Variants in PHF14 observed in about 807,000 individuals in gnomAD.
PHF14 encodes the protein PHD finger protein 14.
PHF14 carries 55 observed loss-of-function variants against 117.9 expected under a neutral mutation model. The ratio of observed to expected loss-of-function variants is 0.47; its 90% CI spans 0.38 to 0.58. The LOEUF is 0.58. Among genes scored for constraint, PHF14 ranks in the 20% least tolerant of loss-of-function variants. The probability of loss-of-function intolerance (pLI) is 0.00; values close to 1 mark genes in which losing one functional copy is unlikely to be tolerated. For missense variants in PHF14, 978 were observed against 1,122.2 expected, an observed-to-expected ratio of 0.87 and a Z score of 1.84; for synonymous variants, 409 against 368.6, an observed-to-expected ratio of 1.11 and a Z score of -1.26.
At chr7:11,138,667 C>T (rs1052484051) in intron 17 of PHF14, among the ~76,000 whole-genome samples, 13 of 152,176 alleles carry the variant, frequency 8.5e-5, no homozygotes, top group Non-Finnish European at 1.8e-4. Context: ...ATTTATCTCA[C>T]TTGCATATCA....
intron 17 of PHF14, among the ~76,000 whole-genome samples, chr7:11,142,268 C>G (rs1217093747): frequency 6.6e-6 from 1 of 151,904 alleles, no homozygotes; most frequent in African/African-American, 2.4e-5. Flanking sequence ...ACATTTAAAG[C>G]TGGTAGAAAT....
intron 17 of PHF14, among the ~76,000 whole-genome samples, chr7:11,135,830 C>G (rs1788205891): frequency 6.6e-6 from 1 of 152,094 alleles, no homozygotes; most frequent in African/African-American, 2.4e-5. Context: ...ATACGGAAGG[C>G]TTTTTAATTT....
At chr7:11,001,608 T>TTTTGTTAGATTTATATCTAAG (rs145893746) in intron 4 of PHF14, among the ~76,000 whole-genome samples, 95,812 of 151,828 alleles carry the variant, frequency 0.63, 30,860 homozygotes, top group Middle Eastern at 0.71. Context: ...CTTGGCAATA[T>TTTTGTTAGATTTATATCTAAG]TATTTTATTT....
intron 13 of PHF14, among the ~76,000 whole-genome samples, chr7:11,048,984 A>C (rs1784763861): frequency 6.6e-6 from 1 of 152,094 alleles, no homozygotes; most frequent in African/African-American, 2.4e-5. Context: ...TATAGTGGGG[A>C]TGGAAGTGAA....
intron 6 of PHF14, among the ~76,000 whole-genome samples, chr7:11,027,365 T>C (rs1230394560): frequency 6.6e-6 from 1 of 152,178 alleles, no homozygotes; most frequent in African/African-American, 2.4e-5. Context: ...AAGTTTTCCT[T>C]GTATTTGTTT....
intron 3 of PHF14, among the ~76,000 whole-genome samples, chr7:10,986,589 G>A (rs1782235168): frequency 6.6e-6 from 1 of 152,114 alleles, no homozygotes; most frequent in Non-Finnish European, 1.5e-5. Context: ...TTCCGCAAAC[G>A]GACACCTGTT....
intron 16 of PHF14, among the ~76,000 whole-genome samples, chr7:11,084,997 T>C (rs1484856745): frequency 6.6e-6 from 1 of 152,186 alleles, no homozygotes; most frequent in Admixed American, 6.6e-5. Flanking sequence ...TGTTGGGTTT[T>C]TTGTTTGTTT....
intron 16 of PHF14, among the ~76,000 whole-genome samples, chr7:11,098,262 A>T (rs1166332803): frequency 6.6e-6 from 1 of 152,208 alleles, no homozygotes; most frequent in Admixed American, 6.5e-5. Flanking sequence ...TTTTGGGAAC[A>T]GTTTTCTATT....
At chr7:11,082,876 ACCCC>A (rs1786204867) in intron 16 of PHF14, among the ~76,000 whole-genome samples, 1 of 151,504 alleles carries the variant, frequency 6.6e-6, no homozygotes, top group South Asian at 2.1e-4. Context: ...AATCCACAGT[ACCCC>A]TCCCCTTCCC....
chr7:11,155,793 A>G (rs1196301764), intron 17 of PHF14, among the ~76,000 whole-genome samples: 2 of 150,180 alleles, frequency 1.3e-5, no homozygotes, highest in African/African-American at 5.0e-5. Flanking sequence ...AGCAACTAGC[A>G]CAGTGCCTGA....
chr7:11,059,223 A>C (rs903168203), intron 14 of PHF14, among the ~76,000 whole-genome samples: 1 of 152,210 alleles, frequency 6.6e-6, no homozygotes, highest in South Asian at 2.1e-4. Flanking sequence ...TTGAAGATTT[A>C]AGTTATTATC....
chr7:11,023,699 G>A (rs981889356), intron 6 of PHF14, among the ~76,000 whole-genome samples: 29 of 152,102 alleles, frequency 1.9e-4, no homozygotes, highest in African/African-American at 7.0e-4. Context: ...GTGGTGGCGC[G>A]TGCCTGTAAT....
intron 16 of PHF14, among the ~76,000 whole-genome samples, chr7:11,069,583 A>T (rs967060458): frequency 5.3e-5 from 8 of 151,134 alleles, no homozygotes; most frequent in African/African-American, 1.7e-4. Context: ...AGGGTTATAC[A>T]TTCTCTGTGA....
chr7:11,065,014 T>G (rs888077438), intron 16 of PHF14, among the ~76,000 whole-genome samples: 2 of 152,236 alleles, frequency 1.3e-5, no homozygotes, highest in Non-Finnish European at 2.9e-5. Flanking sequence ...TTTCCAGTTA[T>G]AATAAATACT....
chr7:11,063,661 G>T (rs1013681402), intron 16 of PHF14: 2 of 966,158 alleles, frequency 2.1e-6, no homozygotes, highest in African/African-American at 3.5e-5. Context: ...TTTTTATTAG[G>T]TTTTTTGTTT....
At chr7:11,161,971 G>C (rs895848699) in intron 17 of PHF14, among the ~76,000 whole-genome samples, 1 of 150,066 alleles carries the variant, frequency 6.7e-6, no homozygotes, top group Admixed American at 6.6e-5. Context: ...AGTTCGTCAG[G>C]GTTATCAAAC....
At chr7:11,112,664 G>T (rs1351438119) in intron 17 of PHF14, among the ~76,000 whole-genome samples, 1 of 151,972 alleles carries the variant, frequency 6.6e-6, no homozygotes, top group East Asian at 1.9e-4. Context: ...CCAGCTACTT[G>T]GGAGGCTGAG....
intron 17 of PHF14, among the ~76,000 whole-genome samples, chr7:11,166,079 A>G (rs947088876): frequency 6.6e-6 from 1 of 152,220 alleles, no homozygotes; most frequent in Admixed American, 6.5e-5. Flanking sequence ...AATTTCACAT[A>G]TAACTAGCAG....
At chr7:11,054,178 C>T (rs916344964) in intron 14 of PHF14, among the ~76,000 whole-genome samples, 12 of 151,792 alleles carry the variant, frequency 7.9e-5, no homozygotes, top group African/African-American at 2.9e-4. Flanking sequence ...CTCCGGAGAC[C>T]ATGGATTACT....
Sources: gnomAD v4.1 joint callset for allele counts (sites outside exome capture counted in the v4.1 genomes callset) on GRCh38, gnomAD v4.1.1 for gene constraint, MANE v1.5 for transcripts, NCBI Gene and HGNC (gene_info 2026-07-23, HGNC 2026-07-21) for gene names.